Variants in SPINK13 observed in about 807,000 individuals in gnomAD.
SPINK13 encodes serine peptidase inhibitor Kazal type 13, also known as serine protease inhibitor Kazal-type 13.
Under a neutral mutation model 11.0 loss-of-function variants are expected in SPINK13, and 11 were observed. That is an observed-to-expected ratio of 1.00 (90% CI 0.63 to 1.65). SPINK13 has a LOEUF of 1.65. Ranked by LOEUF, SPINK13 falls within the 40% of genes most tolerant of loss-of-function variation. The pLI, the probability that SPINK13 is intolerant of heterozygous loss-of-function variation, is 0.00. For synonymous variants in SPINK13, 31 were observed against 35.6 expected (o/e 0.87, Z 0.46); for missense variants, 113 against 117.7 (o/e 0.96, Z 0.19).
Position 148,286,125 on chromosome 5 carries a change from T to C in SPINK13, c.*77T>C, listed in dbSNP as rs1236670918. On this transcript the variant is annotated 3_prime_UTR_variant, in exon 5 of 5. Coordinates refer to ENST00000398450, the MANE Select transcript of SPINK13 (RefSeq NM_001040129.3). The stretch of plus-strand genomic sequence containing the variant: ...TAGTATTTCTTTTAGAGTGTGAGAA[T>C]GTAAATTAAATAACATCCCTATGCT... 5.0e-6 allele frequency: 5 copies of C among 996,472 alleles called. No homozygotes were observed. In the Admixed American group the frequency reaches 1.5e-4, roughly 30 times the overall value. The allele number at this position is 996,472 out of a possible 1,614,324, so 61.7% of individuals were successfully genotyped here. A position where few individuals can be genotyped will look rare whatever the true frequency, so the allele number is the denominator to read the frequency against.
chr5:148,277,509 G>T (rs1222293102), intron 3 of SPINK13, among the ~76,000 whole-genome samples: 1 of 152,158 alleles, frequency 6.6e-6, no homozygotes, highest in Non-Finnish European at 1.5e-5. Flanking sequence ...TTTATTGAAG[G>T]TCTTTTCTGC....
chr5:148,281,649 G>T (rs1020048476), intron 3 of SPINK13, among the ~76,000 whole-genome samples: 1 of 152,146 alleles, frequency 6.6e-6, no homozygotes, highest in African/African-American at 2.4e-5. Flanking sequence ...GATAAGTCAG[G>T]TACCTCAGTT....
chr5:148,285,366 T>A (rs1259171338), intron 4 of SPINK13, among the ~76,000 whole-genome samples: 1 of 151,814 alleles, frequency 6.6e-6, no homozygotes, highest in Non-Finnish European at 1.5e-5. Flanking sequence ...GCTAAAGGAG[T>A]TTTAAAGAAA....
chr5:148,282,281 A>C (rs1329881892), intron 4 of SPINK13, 50 bp downstream of exon 4: 2 of 1,601,778 alleles, frequency 1.2e-6, no homozygotes, highest in South Asian at 1.1e-5. Flanking sequence ...TTCTTCACAG[A>C]AATTTCAAAG....
chr5:148,269,047 C>G (rs1457481783), intron 1 of SPINK13, 159 bp downstream of exon 1: 1 of 152,140 alleles, frequency 6.6e-6, no homozygotes, highest in Non-Finnish European at 1.5e-5. Context: ...ATTTATGGTT[C>G]TCCTTCATTT....
intron 3 of SPINK13, among the ~76,000 whole-genome samples, chr5:148,281,815 C>G (rs1006642672): frequency 6.6e-6 from 1 of 152,168 alleles, no homozygotes; most frequent in African/African-American, 2.4e-5. Flanking sequence ...TCTAGAAGTT[C>G]ACAAACACAT....
At chr5:148,280,606 G>A (rs961090871) in intron 3 of SPINK13, among the ~76,000 whole-genome samples, 1 of 152,212 alleles carries the variant, frequency 6.6e-6, no homozygotes, top group Non-Finnish European at 1.5e-5. Context: ...GTTATCACCA[G>A]TAGAGGCTGC....
At chr5:148,273,591 G>A (rs1366742285) in intron 2 of SPINK13, among the ~76,000 whole-genome samples, 4 of 152,144 alleles carry the variant, frequency 2.6e-5, no homozygotes, top group East Asian at 3.9e-4. Flanking sequence ...TTTGTTCTCT[G>A]AAAGAGTGTA....
At chr5:148,279,233 A>G (rs1002383056) in intron 3 of SPINK13, among the ~76,000 whole-genome samples, 1 of 151,358 alleles carries the variant, frequency 6.6e-6, no homozygotes, top group Non-Finnish European at 1.5e-5. Context: ...ACTCTATCCA[A>G]TTTGCCAGTC....
chr5:148,270,272 TA>T, intron 2 of SPINK13, 130 bp downstream of exon 2: 1 of 814,492 alleles, frequency 1.2e-6, no homozygotes, highest in East Asian at 2.6e-5. Context: ...CCAAACTGGG[TA>T]TAATTAAAAT....
At position 148,270,057 on chromosome 5, in the gene SPINK13, T is replaced by A. The variant is rs1756327040; in HGVS notation, c.-16T>A. On this transcript the variant is annotated 5_prime_UTR_variant, in exon 2 of 5. Transcript: ENST00000398450. ...GTTCACAGGCCTTATCAAAGAAGAG[T>A]CTTATATGAGATCAAATGGCTGCCT... is the stretch of plus-strand genomic sequence containing the variant. 6.2e-7 allele frequency: 1 copy of A among 1,613,320 alleles called. No individual in the cohort carries two copies. Among genetic ancestry groups the A allele is most frequent in the Non-Finnish European group, 8.5e-7 (1 of 1,179,632 alleles).
intron 3 of SPINK13, among the ~76,000 whole-genome samples, chr5:148,281,402 G>A (rs1294606371): frequency 6.6e-6 from 1 of 152,164 alleles, no homozygotes; most frequent in Non-Finnish European, 1.5e-5. Flanking sequence ...TTGAAACCCA[G>A]GGCCCTGGTG....
At chr5:148,269,940 C>G (rs370523345) in intron 1 of SPINK13, 100 bp from the exon 2 acceptor site, 1 of 730,322 alleles carries the variant, frequency 1.4e-6, no homozygotes, top group East Asian at 2.8e-5. Context: ...ATCACCAGGG[C>G]AAGTGTACAG....
chr5:148,276,145 G>GT (rs1161793795), intron 3 of SPINK13, among the ~76,000 whole-genome samples: 2 of 151,936 alleles, frequency 1.3e-5, no homozygotes, highest in South Asian at 4.1e-4. Flanking sequence ...TGATGAGGTT[G>GT]TTTTTTTCTT....
chr5:148,269,588 G>A (rs968318949), intron 1 of SPINK13, among the ~76,000 whole-genome samples: 7 of 152,068 alleles, frequency 4.6e-5, no homozygotes, highest in African/African-American at 1.7e-4. Flanking sequence ...CATGTTATAG[G>A]GTTATATGTC....
chr5:148,271,106 C>A (rs1756343988), intron 2 of SPINK13, among the ~76,000 whole-genome samples: 1 of 152,156 alleles, frequency 6.6e-6, no homozygotes, highest in Admixed American at 6.5e-5. Context: ...ATTAGTAAAG[C>A]AGACACTATA....
chr5:148,281,161 C>T (rs1484186077), intron 3 of SPINK13, among the ~76,000 whole-genome samples: 4 of 152,198 alleles, frequency 2.6e-5, no homozygotes, highest in African/African-American at 9.6e-5. Flanking sequence ...CCCAGGTCGA[C>T]CTCCGACTGC....
At chr5:148,282,073 T>G (rs775677194) in intron 3 of SPINK13, 31 bp from the exon 4 acceptor site, 7 of 1,611,690 alleles carry the variant, frequency 4.3e-6, no homozygotes, top group African/African-American at 1.3e-5. Context: ...GAGTGTATTA[T>G]TTGTCACTTT....
intron 1 of SPINK13, chr5:148,269,146 C>T (rs897173580): frequency 6.6e-6 from 1 of 152,192 alleles, no homozygotes; most frequent in Admixed American, 6.5e-5. Context: ...GGGAAGGTAT[C>T]TTCTCCCTGG....
Sources: allele counts gnomAD v4.1 joint callset (sites outside exome capture counted in the v4.1 genomes callset), GRCh38; gene constraint gnomAD v4.1.1; transcripts MANE v1.5; gene names NCBI Gene and HGNC (gene_info 2026-07-23, HGNC 2026-07-21).